EIF4G1: variants seen among roughly 807,000 people sequenced by gnomAD.
The protein encoded by EIF4G1 is EIF4-gamma.
In EIF4G1, 4 loss-of-function variants were observed where a neutral mutation model predicts 187.8. That is an observed-to-expected ratio of 0.02 (90% CI 0.01 to 0.05). EIF4G1 has a LOEUF of 0.05. Among genes scored for constraint, EIF4G1 ranks in the 10% least tolerant of loss-of-function variants. EIF4G1 has a pLI of 1.00. For synonymous variants in EIF4G1, 844 were observed against 781.4 expected, an observed-to-expected ratio of 1.08 and a Z score of -1.34; for missense variants, 1,647 against 2,081.1, an observed-to-expected ratio of 0.79 and a Z score of 4.06.
At chr3:184,317,200 T>G (rs1722951290) in intron 4 of EIF4G1, 121 bp from the exon 5 acceptor site, 1 of 1,177,110 alleles carries the variant, frequency 8.5e-7, no homozygotes, top group African/African-American at 1.5e-5. Flanking sequence ...TTGGAAGGAT[T>G]GGTCGCCATG....
At position 184,322,465 on chromosome 3, in the gene EIF4G1, A is replaced by G; in HGVS notation, c.1608+15A>G. 1 of 1,614,044 alleles carries G rather than the reference A, an allele frequency of 6.2e-7. No homozygotes were observed. The highest frequency in any genetic ancestry group is 2.2e-5 in the East Asian group (1 of 44,872). On this transcript the variant is annotated intron_variant, in intron 11 of 32. Coordinates refer to ENST00000346169, the MANE Select transcript of EIF4G1 (RefSeq NM_198241.3). ...CCTTCAAGGAGGTAAGGGAGCAGAA[A>G]ATGGGAGGGGAGAGGGCCAAGTTGA...
chr3:184,320,784 G>A, intron 8 of EIF4G1, 62 bp downstream of exon 8: 4 of 1,612,044 alleles, frequency 2.5e-6, no homozygotes, highest in Non-Finnish European at 3.4e-6. Context: ...GGACTCCCAA[G>A]TCCCTGGATC....
Position 184,317,712 on chromosome 3 carries a change from A to G in EIF4G1, c.325-5A>G, listed in dbSNP as rs777701425. ...CCTTCTCTCCCTCTCCCCCTTCCCC[A>G]CCAGGGGCGTTCCACATACGTTGTC... On this transcript the variant is annotated splice_polypyrimidine_tract_variant and splice_region_variant and intron_variant, in intron 5 of 32. Transcript: ENST00000346169. 6 of 1,612,678 alleles carry G rather than the reference A, an allele frequency of 3.7e-6. No homozygotes were observed. In the East Asian group the frequency reaches 1.3e-4, roughly 36 times the overall value.
intron 1 of EIF4G1, 27 bp from the exon 2 acceptor site, chr3:184,315,462 G>T: frequency 3.3e-6 from 2 of 606,708 alleles, no homozygotes; most frequent in South Asian, 1.4e-5. Context: ...GCGGAGCCAG[G>T]TTGATACCCT....
rs1175102348 is a variant in EIF4G1 at position 184,325,464 on chromosome 3, C to T, written c.2962-16C>T. On this transcript the variant is annotated splice_polypyrimidine_tract_variant and intron_variant, in intron 19 of 32. Coordinates refer to ENST00000346169, the MANE Select transcript of EIF4G1 (RefSeq NM_198241.3). This position sits in a 1 kb window ranked among gnomAD's most constrained non-coding sequence, Gnocchi z 5.2. ...CCTTCCCTGACATCATCGTGACTGG[C>T]CCTCTGTCTCCACAGAGCAATTGGG... The T allele has an allele frequency of 6.2e-7, 1 of 1,614,148 alleles. No homozygotes were observed. Among genetic ancestry groups the T allele is most frequent in the South Asian group, 1.1e-5 (1 of 91,080 alleles).
chr3:184,326,234 G>A (rs1482165483), intron 21 of EIF4G1, among the ~76,000 whole-genome samples: 3 of 151,636 alleles, frequency 2.0e-5, no homozygotes, highest in Non-Finnish European at 4.4e-5. Context: ...TTAAAGTTGC[G>A]AAAAATCAAA....
intron 32 of EIF4G1, among the ~76,000 whole-genome samples, chr3:184,332,937 T>C (rs989838644): frequency 6.6e-6 from 1 of 152,092 alleles, no homozygotes; most frequent in Non-Finnish European, 1.5e-5. Context: ...GAAAACGCCT[T>C]TGTGGGATTT....
At chr3:184,327,009 A>T in intron 23 of EIF4G1, 26 bp downstream of exon 23, 1 of 1,613,608 alleles carries the variant, frequency 6.2e-7, no homozygotes, top group Non-Finnish European at 8.5e-7. Context: ...CATCTTTGTT[A>T]TTCACACTGG....
intron 32 of EIF4G1, among the ~76,000 whole-genome samples, chr3:184,333,763 A>G (rs1726577187): frequency 6.6e-6 from 1 of 152,242 alleles, no homozygotes; most frequent in Non-Finnish European, 1.5e-5. Context: ...GCTGTAAGAT[A>G]GTGGTTGAAA....
intron 4 of EIF4G1, 29 bp downstream of exon 4, chr3:184,316,247 G>GAC: frequency 6.2e-7 from 1 of 1,612,928 alleles, no homozygotes; most frequent in South Asian, 1.1e-5. Flanking sequence ...GGGAGTAGGG[G>GAC]ACCTGGGTGG....
intron 32 of EIF4G1, 50 bp downstream of exon 32, chr3:184,332,136 A>G: frequency 6.2e-7 from 1 of 1,613,722 alleles, no homozygotes; most frequent in Non-Finnish European, 8.5e-7. Context: ...ACTGCCAGAT[A>G]GCAGGGCATG....
chr3:184,326,393 C>T, intron 21 of EIF4G1, 134 bp from the exon 22 acceptor site: 1 of 855,298 alleles, frequency 1.2e-6, no homozygotes, highest in Admixed American at 1.9e-5. Flanking sequence ...GCAATAGAGA[C>T]TGGCCCTTTA....
At position 184,322,663 on chromosome 3, in the gene EIF4G1, A is replaced by G. The variant is rs766311201; in HGVS notation, c.1728A>G (p.Ser576=). 1.4e-5 allele frequency: 22 copies of G among 1,614,100 alleles called. No homozygotes were observed. Among genetic ancestry groups the G allele is most frequent in the African/African-American group, 2.7e-5 (2 of 74,926 alleles). The change falls in exon 12 of 33, where the codon TCA becomes TCG. Residue 576 remains serine, a synonymous_variant. Coordinates refer to ENST00000346169, the MANE Select transcript of EIF4G1 (RefSeq NM_198241.3). ...RPEEADETWD[S]KEDKIHNAEN... Reference sequence around the variant, plus strand: ...AGGAAGCAGATGAGACCTGGGACTCAAAGGAAGACAAAATTCACAATGCTG... The same window carrying G: ...AGGAAGCAGATGAGACCTGGGACTCGAAGGAAGACAAAATTCACAATGCTG...
intron 7 of EIF4G1, 22 bp from the exon 8 acceptor site, chr3:184,320,608 T>A (rs1159608945): frequency 6.2e-7 from 1 of 1,613,902 alleles, no homozygotes; most frequent in African/African-American, 1.3e-5. Flanking sequence ...TTCCCACTCA[T>A]CTTATAGCTT....
chr3:184,327,046 T>G, intron 23 of EIF4G1, 63 bp downstream of exon 23: 1 of 1,608,062 alleles, frequency 6.2e-7, no homozygotes. Context: ...TTCTGGTTGT[T>G]GCCATAGGTT....
chr3:184,321,997 A>G lies in EIF4G1; in HGVS notation c.1413A>G (p.Ala471=). 6.3e-7 allele frequency: 1 copy of G among 1,590,604 alleles called. No homozygotes were observed. Among genetic ancestry groups the G allele is most frequent in the Non-Finnish European group, 8.6e-7 (1 of 1,157,828 alleles). Residue 471 remains alanine (A), a synonymous_variant, in exon 10 of 33, where the codon GCA becomes GCG. Transcript: ENST00000346169. ...EEEEEGEAGE[A]GEAESEKGGE... is the part of the protein sequence containing the mutation. ...AGGAAGAAGGAGAAGCAGGAGAAGC[A>G]GGAGAAGCTGAGAGTGAGAAAGGAG... is the stretch of plus-strand genomic sequence containing the variant.
Position 184,326,605 on chromosome 3 carries a change from T to G in EIF4G1, c.3301T>G (p.Ser1101Ala), listed in dbSNP as rs750384096. The G allele has an allele frequency of 2.0e-5, 32 of 1,611,150 alleles. No homozygotes were observed. The highest frequency in any genetic ancestry group is 2.1e-5 in the Non-Finnish European group (25 of 1,180,004). Residue 1101 changes from serine (S) to alanine (A), a missense_variant, in exon 22 of 33, where the codon TCA becomes GCA. Physicochemically the swap from Ser to Ala is moderately conservative, Grantham distance 99. Coordinates refer to ENST00000346169, the MANE Select transcript of EIF4G1 (RefSeq NM_198241.3). ...CTGGGGCAAGGGCAGCAGCGGAGGCTCAGGAGCCAAGCCCTCAGACGCAGG... is the reference window on the plus strand; with the variant it reads ...CTGGGGCAAGGGCAGCAGCGGAGGCGCAGGAGCCAAGCCCTCAGACGCAGG... ...LSWGKGSSGG[S>A]GAKPSDAASE... is the part of the protein sequence containing the mutation.
chr3:184,323,229 G>T lies in EIF4G1; in HGVS notation c.2076G>T (p.Leu692=). 1 of 1,614,178 alleles carries T rather than the reference G, an allele frequency of 6.2e-7. No individual in the cohort carries two copies. The highest frequency in any genetic ancestry group is 8.5e-7 in the Non-Finnish European group (1 of 1,180,002). Residue 692 remains leucine (L), a synonymous_variant, in exon 14 of 33, where the codon CTG becomes CTT. Coordinates refer to ENST00000346169, the MANE Select transcript of EIF4G1 (RefSeq NM_198241.3). The surrounding 1 kb of genome is among the most constrained non-coding windows in gnomAD (Gnocchi z 6.9). The part of the protein sequence containing the change: ...GPPRGGPGGE[L]PRGPAGLGPR... ...CAAGGGGTGGGCCAGGTGGGGAGCT[G>T]CCCCGTGGGCCGGTGAGTGGGGCTG...
rs1271131120 is a variant in EIF4G1, at chr3:184,323,735, C to T, written c.2275-45C>T. Reference sequence around the variant, plus strand: ...ACCCTCTCCTGTCCCTCCCAACAGCCTGTTCTGAGACCCTCACTGGAACTC... The same window carrying T: ...ACCCTCTCCTGTCCCTCCCAACAGCTTGTTCTGAGACCCTCACTGGAACTC... On this transcript the variant is annotated intron_variant, in intron 15 of 32. Coordinates refer to ENST00000346169, the MANE Select transcript of EIF4G1 (RefSeq NM_198241.3). This position sits in a 1 kb window ranked among gnomAD's most constrained non-coding sequence, Gnocchi z 6.9. 14 of 1,612,310 alleles carry T rather than the reference C, an allele frequency of 8.7e-6. No individual in the cohort carries two copies. The highest frequency in any genetic ancestry group is 1.2e-5 in the Non-Finnish European group (14 of 1,179,666).
Sources: gnomAD v4.1 joint callset for allele counts (sites outside exome capture counted in the v4.1 genomes callset) on GRCh38, gnomAD v4.1.1 for gene constraint, Gnocchi (gnomAD v3.1) non-coding constraint, MANE v1.5 for transcripts, NCBI Gene and HGNC (gene_info 2026-07-23, HGNC 2026-07-21) for gene names.